CACNA1A: variants seen among roughly 807,000 people sequenced by gnomAD.
The protein encoded by CACNA1A is calcium voltage-gated channel subunit alpha1 A, also known as voltage-dependent P/Q-type calcium channel subunit alpha-1A.
In CACNA1A, 57 loss-of-function variants were observed where a neutral mutation model predicts 262.4. The observed-to-expected ratio is 0.22, with a 90% confidence interval of 0.18 to 0.27. The LOEUF (loss-of-function observed/expected upper bound fraction) is 0.27. Ranked by LOEUF, CACNA1A falls within the 10% of genes least tolerant of loss-of-function variation. The pLI is 1.00. For missense variants in CACNA1A, 2,526 were observed against 3,562.8 expected (o/e 0.71, Z 7.41); for synonymous variants, 1,431 against 1,419.3 (o/e 1.01, Z -0.18).
At chr19:13,388,869 T>C (rs2059664740) in intron 3 of CACNA1A, among the ~76,000 whole-genome samples, 1 of 152,140 alleles carries the variant, frequency 6.6e-6, no homozygotes, top group South Asian at 2.1e-4. Flanking sequence ...TTCTGTTGTT[T>C]CCTGTTTTCA....
At chr19:13,487,555 C>T (rs75387990) in intron 1 of CACNA1A, among the ~76,000 whole-genome samples, 3,329 of 151,970 alleles carry the variant, frequency 0.022, 42 homozygotes, top group Middle Eastern at 0.037. Flanking sequence ...GGTCTTTGAA[C>T]TACAGAGAGG....
At chr19:13,499,542 A>G (rs59034139) in intron 1 of CACNA1A, among the ~76,000 whole-genome samples, 109,331 of 151,112 alleles carry the variant, frequency 0.72, 40,577 homozygotes, top group African/African-American at 0.89. Context: ...ATGACTCCAT[A>G]GTATTACGGC....
At position 13,241,632 on chromosome 19, in the gene CACNA1A, T is replaced by C; in HGVS notation, c.4950+3550A>G. 1.8e-6 allele frequency: 1 copy of C among 558,824 alleles called. No individual in the cohort carries two copies. The highest frequency in any genetic ancestry group is 3.3e-6 in the Non-Finnish European group (1 of 302,768). The allele number at this position is 558,824 out of a possible 1,614,324, so 34.6% of individuals were successfully genotyped here. ...TTTGTAACCAGTGCCAAAAAACCAA[T>C]GGGTTTCGGTTCCCGGGCGGGGAGT... On this transcript the variant is annotated intron_variant, in intron 31 of 46. Transcript: ENST00000360228. The surrounding 1 kb of genome is among the most constrained non-coding windows in gnomAD (Gnocchi z 4.0).
chr19:13,285,396 T>C (rs533626873), intron 20 of CACNA1A, among the ~76,000 whole-genome samples, 190 bp from the exon 21 acceptor site: 2 of 152,222 alleles, frequency 1.3e-5, no homozygotes, highest in East Asian at 3.9e-4. Context: ...ATCTCCTGTT[T>C]ACAGATGAGG....
chr19:13,439,941 G>A (rs574920963), intron 3 of CACNA1A, among the ~76,000 whole-genome samples: 1 of 152,114 alleles, frequency 6.6e-6, no homozygotes, highest in African/African-American at 2.4e-5. Context: ...AGGAAAACGT[G>A]ACTGGTTGAG....
chr19:13,224,209 A>G (rs1351106384), intron 38 of CACNA1A, among the ~76,000 whole-genome samples: 1 of 152,014 alleles, frequency 6.6e-6, no homozygotes, highest in Non-Finnish European at 1.5e-5. Flanking sequence ...CTATAATCCC[A>G]GCTACTTGGG....
chr19:13,208,977 A>G lies in CACNA1A; in HGVS notation c.6559T>C (p.Ser2187Pro). The change falls in exon 46 of 47, where the codon TCC becomes CCC. Residue 2187 changes from serine (S) to proline (P), a missense_variant. By Grantham distance (74) the Ser-to-Pro change is moderately conservative (BLOSUM62 -1). Coordinates refer to ENST00000360228, the MANE Select transcript of CACNA1A (RefSeq NM_001127222.2). ...LGTDLSMTTQ[S>P]GDLPSKERDQ... ...CGCTCCTTCGACGGCAGGTCCCCGG[A>G]TTGGGTGGTCATGCTCAGGTCTGTC... 6.5e-7 allele frequency: 1 copy of G among 1,537,060 alleles called. No individual in the cohort carries two copies.
rs1487889235 is a variant in CACNA1A at position 13,406,509 on chromosome 19, A to ATATATATATGTATG, written c.540-34731_540-34730insCATACATATATATA. On this transcript the variant is annotated intron_variant, in intron 3 of 46. Transcript: ENST00000360228. ...TATATATATATATATATATATATATATATGAAGGGAATCTGATCCCTAACA... is the reference window on the plus strand; with the variant it reads ...TATATATATATATATATATATATATATATATATATGTATGTATGAAGGGAATCTGATCCCTAACA... 1.5e-3 allele frequency among the ~76,000 whole-genome samples: 162 copies of ATATATATATGTATG among 109,642 alleles called. 6 individuals carry two copies. The highest frequency in any genetic ancestry group is 9.0e-3 in the East Asian group (21 of 2,334). 71.9% of individuals were successfully genotyped at this position (109,642 alleles called of 152,430 possible).
intron 1 of CACNA1A, among the ~76,000 whole-genome samples, chr19:13,470,772 G>C (rs11881067): frequency 7.4e-4 from 112 of 152,318 alleles, no homozygotes; most frequent in Middle Eastern, 3.4e-3. Flanking sequence ...AGAGATCAGA[G>C]AGGAGGGGGA....
rs2061270102 is a variant in CACNA1A, at chr19:13,467,519, G to A, written c.294-12307C>T. On this transcript the variant is annotated intron_variant, in intron 1 of 46. Coordinates refer to ENST00000360228, the MANE Select transcript of CACNA1A (RefSeq NM_001127222.2). ...AATAACTATCTCACCATACATCCTT[G>A]TGCACTTGTGATAATTTTCCTGCAG... 2.0e-5 allele frequency among the ~76,000 whole-genome samples: 3 copies of A among 151,822 alleles called. No homozygotes were observed. In the South Asian group the frequency reaches 6.2e-4, roughly 32 times the overall value.
intron 6 of CACNA1A, among the ~76,000 whole-genome samples, chr19:13,338,201 C>T (rs1216903587): frequency 2.0e-5 from 3 of 151,600 alleles, no homozygotes; most frequent in Admixed American, 6.6e-5. Flanking sequence ...GGCAACAGAG[C>T]GAGACTTCGT....
intron 3 of CACNA1A, among the ~76,000 whole-genome samples, chr19:13,392,122 G>T (rs903211738): frequency 6.6e-6 from 1 of 151,784 alleles, no homozygotes; most frequent in Non-Finnish European, 1.5e-5. Flanking sequence ...GAGGCAGGAC[G>T]ATACCTTGAG....
chr19:13,432,725 T>C (rs935875163), intron 3 of CACNA1A, among the ~76,000 whole-genome samples: 1 of 151,190 alleles, frequency 6.6e-6, no homozygotes, highest in South Asian at 2.1e-4. Context: ...AAGAGTAGAT[T>C]TTAAGCGTTC....
At chr19:13,380,383 T>C (rs943589967) in intron 3 of CACNA1A, among the ~76,000 whole-genome samples, 8 of 150,826 alleles carry the variant, frequency 5.3e-5, no homozygotes, top group Admixed American at 2.0e-4. Flanking sequence ...CGGTGGCTCA[T>C]GCCTGTAATC....
At chr19:13,432,539 G>A (rs1028655365) in intron 3 of CACNA1A, among the ~76,000 whole-genome samples, 2 of 152,190 alleles carry the variant, frequency 1.3e-5, no homozygotes, top group Admixed American at 6.5e-5. Context: ...AGGGATTGGG[G>A]AGATATTAGG....
Position 13,224,786 on chromosome 19 carries a change from A to C in CACNA1A, c.5626-14T>G. On this transcript the variant is annotated splice_polypyrimidine_tract_variant and intron_variant, in intron 37 of 46. Transcript: ENST00000360228. ...CCGCAGAAGCCGCTACAGAAAACCCAAGGCAAGCGCAGTCATTCCCAGGCA... is the reference window on the plus strand; with the variant it reads ...CCGCAGAAGCCGCTACAGAAAACCCCAGGCAAGCGCAGTCATTCCCAGGCA... The C allele has an allele frequency of 1.3e-6, 2 of 1,589,424 alleles. No homozygotes were observed. The highest frequency in any genetic ancestry group is 8.6e-7 in the Non-Finnish European group (1 of 1,166,206).
At chr19:13,292,235 C>T (rs567019324) in intron 19 of CACNA1A, among the ~76,000 whole-genome samples, 1 of 151,970 alleles carries the variant, frequency 6.6e-6, no homozygotes, top group African/African-American at 2.4e-5. Flanking sequence ...ATAGAATGTG[C>T]GTCAGTCCAC....
chr19:13,244,532 G>A (rs2056176058), intron 31 of CACNA1A: 1 of 152,220 alleles, frequency 6.6e-6, no homozygotes, highest in African/African-American at 2.4e-5. Context: ...CCCAAGCCTG[G>A]GCTCATTGGC....
At chr19:13,404,918 A>G (rs1337160696) in intron 3 of CACNA1A, among the ~76,000 whole-genome samples, 3 of 152,146 alleles carry the variant, frequency 2.0e-5, no homozygotes, top group Admixed American at 1.3e-4. Context: ...ATTATTTGAG[A>G]TGGAGTCTCA....
Sources: allele counts gnomAD v4.1 joint callset (sites outside exome capture counted in the v4.1 genomes callset), GRCh38; gene constraint gnomAD v4.1.1; non-coding constraint Gnocchi (gnomAD v3.1); transcripts MANE v1.5; gene names NCBI Gene and HGNC (gene_info 2026-07-23, HGNC 2026-07-21).